EXD1: variants seen among roughly 807,000 people sequenced by gnomAD.
EXD1 encodes exonuclease 3'-5' domain containing 1.
A neutral mutation model predicts 49.1 loss-of-function variants in EXD1; 63 were observed. The observed-to-expected ratio is 1.28, with a 90% CI of 1.05 to 1.58. The LOEUF is 1.58. Among genes scored for constraint, EXD1 ranks in the 40% most tolerant of loss-of-function variants. EXD1 has a pLI of 0.00. For missense variants in EXD1, 748 were observed against 666.0 expected (o/e 1.12, Z -1.36); for synonymous variants, 234 against 239.2 (o/e 0.98, Z 0.20).
At chr15:41,225,975 C>T (rs11070323) in intron 2 of EXD1, among the ~76,000 whole-genome samples, 19,096 of 151,982 alleles carry the variant, frequency 0.13, 1,383 homozygotes, top group South Asian at 0.27. Context: ...ACACCAGGCT[C>T]GGCATGGTGG....
At chr15:41,210,851 G>T (rs1037355309) in intron 6 of EXD1, among the ~76,000 whole-genome samples, 1 of 152,010 alleles carries the variant, frequency 6.6e-6, no homozygotes, top group Non-Finnish European at 1.5e-5. Context: ...TAACAGAAAG[G>T]CATAGTAATT....
At position 41,230,106 on chromosome 15, in the gene EXD1, C is replaced by G. The variant is rs1464761314; in HGVS notation, c.-54+373G>C. Among the ~76,000 whole-genome samples, 6 of 119,710 alleles carry G rather than the reference C, an allele frequency of 5.0e-5. No individual in the cohort carries two copies. The South Asian group carries it at 1.6e-3, about 31-fold the overall frequency. 78.5% of individuals were successfully genotyped at this position (119,710 alleles called of 152,430 possible). ...CCTTTTTTTTTTTTTTTTTTTGAGA[C>G]GGAGTCTTGCTCTGTCACCCAGGCT... On this transcript the variant is annotated intron_variant, in intron 1 of 11. Coordinates refer to ENST00000458580, the MANE Select transcript of EXD1 (RefSeq NM_001286441.2).
intron 7 of EXD1, among the ~76,000 whole-genome samples, chr15:41,205,572 G>T (rs1374033622): frequency 6.6e-6 from 1 of 152,048 alleles, no homozygotes; most frequent in Non-Finnish European, 1.5e-5. Flanking sequence ...GAGTCTGGGA[G>T]TTTGAGACCA....
At chr15:41,216,942 GCTAT>G (rs1386679794) in intron 4 of EXD1, 147 bp from the exon 5 acceptor site, 4 of 1,324,700 alleles carry the variant, frequency 3.0e-6, no homozygotes, top group East Asian at 2.3e-5. Context: ...ACTTGAGGGC[GCTAT>G]CTAACAATGG....
chr15:41,218,647 T>C (rs2047041294), intron 3 of EXD1, among the ~76,000 whole-genome samples: 1 of 152,092 alleles, frequency 6.6e-6, no homozygotes, highest in Non-Finnish European at 1.5e-5. Context: ...TACAAACCCA[T>C]TCACAGCCTA....
intron 6 of EXD1, among the ~76,000 whole-genome samples, chr15:41,211,692 G>C (rs1394938976): frequency 1.3e-5 from 2 of 151,452 alleles, no homozygotes; most frequent in Non-Finnish European, 2.9e-5. Context: ...GGGCGCAGTG[G>C]CTCACGCCTG....
chr15:41,207,597 T>G (rs1201926317), intron 7 of EXD1, among the ~76,000 whole-genome samples: 4 of 150,132 alleles, frequency 2.7e-5, no homozygotes, highest in East Asian at 2.0e-4. Flanking sequence ...GAGTGGAGGG[T>G]TTTTTTTTCT....
intron 2 of EXD1, among the ~76,000 whole-genome samples, chr15:41,225,610 C>T (rs892943799): frequency 2.9e-5 from 4 of 139,470 alleles, no homozygotes; most frequent in East Asian, 2.1e-4. Flanking sequence ...AGGCCGGGAG[C>T]GGTGGCTCAT....
At position 41,191,457 on chromosome 15, in the gene EXD1, T is replaced by C; in HGVS notation, c.849A>G (p.Arg283=). 1 of 1,610,744 alleles carries C rather than the reference T, an allele frequency of 6.2e-7. No individual in the cohort carries two copies. Among genetic ancestry groups the C allele is most frequent in the Non-Finnish European group, 8.5e-7 (1 of 1,177,248 alleles). ...APKYLSFLEK[R]QKLIQENPEV... ...TTACACCCACCTGAATTAGTTTTTG[T>C]CTCTTTTCTAGAAAGGAGAGATATT... Residue 283 remains arginine (R), a synonymous_variant, in exon 10 of 12, where the codon AGA becomes AGG. Coordinates refer to ENST00000458580, the MANE Select transcript of EXD1 (RefSeq NM_001286441.2).
chr15:41,186,469 T>TCAAAAAAAAAAA (rs2046409300), intron 11 of EXD1, among the ~76,000 whole-genome samples: 1 of 21,294 alleles, frequency 4.7e-5, no homozygotes, highest in Non-Finnish European at 1.2e-4. Flanking sequence ...AGACTCTGTC[T>TCAAAAAAAAAAA]CAAAAAAAAA....
At chr15:41,227,479 G>C (rs926754234) in intron 1 of EXD1, among the ~76,000 whole-genome samples, 4 of 152,076 alleles carry the variant, frequency 2.6e-5, no homozygotes, top group Admixed American at 2.0e-4. Context: ...AGACCAGCCT[G>C]ACCAACATGG....
intron 2 of EXD1, among the ~76,000 whole-genome samples, chr15:41,222,322 G>A (rs569346023): frequency 3.5e-4 from 53 of 152,222 alleles, no homozygotes; most frequent in African/African-American, 1.2e-3. Context: ...GGCCAAGGCC[G>A]GAGAATCACT....
chr15:41,215,746 T>C, intron 6 of EXD1, 29 bp downstream of exon 6: 1 of 1,600,846 alleles, frequency 6.2e-7, no homozygotes. Flanking sequence ...ATACAGGCAA[T>C]ACTAGTAATG....
At chr15:41,199,063 A>G (rs145916252) in intron 7 of EXD1, among the ~76,000 whole-genome samples, 12 of 141,108 alleles carry the variant, frequency 8.5e-5, no homozygotes, top group Admixed American at 2.8e-4. Context: ...TCCTGGGAGC[A>G]ATTCTCCTGC....
Position 41,199,747 on chromosome 15 carries a change from T to TATATAATATATCA in EXD1, c.535-3711_535-3710insTGATATATTATAT, listed in dbSNP as rs558589077. Among the ~76,000 whole-genome samples, 14 of 99,762 alleles carry TATATAATATATCA rather than the reference T, an allele frequency of 1.4e-4. 3 individuals carry two copies. In the South Asian group the frequency reaches 4.1e-3, roughly 29 times the overall value. 65.4% of individuals were successfully genotyped at this position (99,762 alleles called of 152,430 possible). On this transcript the variant is annotated intron_variant, in intron 7 of 11. Coordinates refer to ENST00000458580, the MANE Select transcript of EXD1 (RefSeq NM_001286441.2). Reference sequence around the variant, plus strand: ...TTATATATGATATATATGTCATATATTATATATGATACATATATGATATAT... The same window carrying TATATAATATATCA: ...TTATATATGATATATATGTCATATATATATAATATATCATATATATGATACATATATGATATAT...
rs370262959 is a variant in EXD1, at chr15:41,209,531, T to C, written c.504A>G (p.Val168=). 126 of 1,614,066 alleles carry C rather than the reference T, an allele frequency of 7.8e-5. No individual in the cohort carries two copies. Among genetic ancestry groups the C allele is most frequent in the Non-Finnish European group, 9.9e-5 (117 of 1,180,038 alleles). ...VLSVAAEGAN[V]CRHGKLCWLQ... is the part of the protein sequence containing the mutation. Reference sequence around the variant, plus strand: ...GCCAGCACAGTTTGCCATGGCGACATACATTCGCTCCTTCTGCTGCCACAC... The same window carrying C: ...GCCAGCACAGTTTGCCATGGCGACACACATTCGCTCCTTCTGCTGCCACAC... Residue 168 remains valine, a synonymous_variant, in exon 7 of 12, where the codon GTA becomes GTG. Transcript: ENST00000458580.
intron 2 of EXD1, among the ~76,000 whole-genome samples, chr15:41,222,913 G>C (rs2047110918): frequency 7.2e-6 from 1 of 139,110 alleles, no homozygotes; most frequent in Non-Finnish European, 1.5e-5. Context: ...TCCAGCGTGA[G>C]GACAGACTGA....
At chr15:41,202,678 G>A (rs1357573978) in intron 7 of EXD1, among the ~76,000 whole-genome samples, 1 of 151,988 alleles carries the variant, frequency 6.6e-6, no homozygotes, top group African/African-American at 2.4e-5. Flanking sequence ...AGTTGCTCAG[G>A]CTGGTCTCCA....
intron 2 of EXD1, among the ~76,000 whole-genome samples, chr15:41,223,725 C>T (rs1034517155): frequency 6.6e-6 from 1 of 150,974 alleles, no homozygotes; most frequent in Non-Finnish European, 1.5e-5. Flanking sequence ...ATCAGCCGGG[C>T]GTGGTGGCGG....
Sources: gnomAD v4.1 joint callset for allele counts (sites outside exome capture counted in the v4.1 genomes callset) on GRCh38, gnomAD v4.1.1 for gene constraint, MANE v1.5 for transcripts, NCBI Gene and HGNC (gene_info 2026-07-23, HGNC 2026-07-21) for gene names.